The following NAALADL2 variants were observed in gnomAD, a reference collection of about 807,000 sequenced individuals.
NAALADL2 encodes the protein N-acetylated alpha-linked acidic dipeptidase like 2.
In NAALADL2, 76 loss-of-function variants were observed where a neutral mutation model predicts 87.2. The observed-to-expected ratio is 0.87, with a 90% CI of 0.72 to 1.05. The LOEUF (loss-of-function observed/expected upper bound fraction) is 1.05, where lower values mean the gene tolerates loss of function less well. Ranked by LOEUF, NAALADL2 falls within the 50% of genes least tolerant of loss-of-function variation. The pLI is 0.00. For synonymous variants in NAALADL2, 354 were observed against 331.0 expected, an observed-to-expected ratio of 1.07 and a Z score of -0.75; for missense variants, 1,089 against 945.8, an observed-to-expected ratio of 1.15 and a Z score of -1.99.
intron 2 of NAALADL2, among the ~76,000 whole-genome samples, chr3:174,653,641 C>T (rs1323906155): frequency 6.6e-6 from 1 of 151,990 alleles, no homozygotes; most frequent in East Asian, 1.9e-4. Flanking sequence ...AGGATATGAG[C>T]TAATTCTTGA....
intron 2 of NAALADL2, among the ~76,000 whole-genome samples, chr3:174,674,314 C>G (rs139063547): frequency 1.3e-5 from 2 of 152,018 alleles, no homozygotes; most frequent in Non-Finnish European, 2.9e-5. Flanking sequence ...ACCTCCAATA[C>G]TGTAGATTAC....
chr3:175,714,497 T>C (rs1582988006), intron 11 of NAALADL2, among the ~76,000 whole-genome samples: 1 of 152,212 alleles, frequency 6.6e-6, no homozygotes, highest in South Asian at 2.1e-4. Context: ...ATGAGCTTTT[T>C]TTCATTTGTT....
chr3:175,738,951 T>C (rs1345617541), intron 12 of NAALADL2, among the ~76,000 whole-genome samples: 1 of 152,196 alleles, frequency 6.6e-6, no homozygotes, highest in Non-Finnish European at 1.5e-5. Context: ...TTTTATTTAT[T>C]CTGTAAACTG....
chr3:175,611,217 G>C (rs965252051), intron 10 of NAALADL2, among the ~76,000 whole-genome samples: 1 of 151,992 alleles, frequency 6.6e-6, no homozygotes, highest in African/African-American at 2.4e-5. Flanking sequence ...GTGGTACTTT[G>C]ATTAAGGCAC....
chr3:175,514,546 ATCTCGC>A (rs1399360375), intron 9 of NAALADL2, among the ~76,000 whole-genome samples: 1 of 152,154 alleles, frequency 6.6e-6, no homozygotes, highest in Non-Finnish European at 1.5e-5. Context: ...TGGATTTGTG[ATCTCGC>A]TCCTTTACCT....
intron 1 of NAALADL2, among the ~76,000 whole-genome samples, chr3:175,007,417 C>G (rs1178922289): frequency 2.0e-5 from 3 of 152,132 alleles, no homozygotes; most frequent in Admixed American, 6.5e-5. Context: ...GGGCTATCTT[C>G]AGGCATGGGA....
intron 2 of NAALADL2, among the ~76,000 whole-genome samples, chr3:174,654,335 C>T (rs973323458): frequency 1.3e-5 from 2 of 151,900 alleles, no homozygotes; most frequent in African/African-American, 2.4e-5. Context: ...TCTCTTATTT[C>T]CTGATTTTAA....
rs1560475073 is a variant in NAALADL2 at position 175,013,123 on chromosome 3, C to CATAAATATATAATAT, written c.44-83664_44-83663insAATATATAATATATA. 2.0e-4 allele frequency among the ~76,000 whole-genome samples: 9 copies of CATAAATATATAATAT among 44,896 alleles called. 1 individual carries two copies. The highest frequency in any genetic ancestry group is 1.7e-3 in the African/African-American group (9 of 5,210). 29.5% of individuals were successfully genotyped at this position (44,896 alleles called of 152,430 possible). A position where few individuals can be genotyped will look rare whatever the true frequency, so the allele number is the denominator to read the frequency against. On this transcript the variant is annotated intron_variant, in intron 1 of 13. Transcript: ENST00000454872. ...ATATACATATTTATATATAAATATACATATTTATATATAAATATGTAATAC... is the reference window on the plus strand; with the variant it reads ...ATATACATATTTATATATAAATATACATAAATATATAATATATATTTATATATAAATATGTAATAC...
chr3:175,507,491 C>T (rs995523024), intron 9 of NAALADL2, among the ~76,000 whole-genome samples: 2 of 151,374 alleles, frequency 1.3e-5, no homozygotes, highest in East Asian at 2.0e-4. Flanking sequence ...GGTGTGATCT[C>T]GGCTCACTGC....
chr3:175,607,331 A>G (rs537657770), intron 10 of NAALADL2, among the ~76,000 whole-genome samples: 1 of 152,202 alleles, frequency 6.6e-6, no homozygotes. Flanking sequence ...AGTATTTTAC[A>G]TGAATGATAG....
intron 10 of NAALADL2, among the ~76,000 whole-genome samples, chr3:175,618,245 G>A (rs1411313817): frequency 1.3e-5 from 2 of 152,152 alleles, no homozygotes; most frequent in South Asian, 2.1e-4. Flanking sequence ...GAGAAAAGGG[G>A]ACCTGGACTT....
chr3:175,609,788 T>C (rs187151619), intron 10 of NAALADL2, among the ~76,000 whole-genome samples: 2 of 152,276 alleles, frequency 1.3e-5, no homozygotes, highest in Non-Finnish European at 2.9e-5. Context: ...TTCCAACTGC[T>C]AGTCACTAGT....
At chr3:174,796,194 G>A (rs1025520905) in intron 3 of NAALADL2, among the ~76,000 whole-genome samples, 1 of 152,094 alleles carries the variant, frequency 6.6e-6, no homozygotes, top group African/African-American at 2.4e-5. Flanking sequence ...AAAGAGAAAG[G>A]GCTCAGGAAA....
chr3:174,526,354 A>G (rs1428949882), intron 1 of NAALADL2, among the ~76,000 whole-genome samples: 2 of 152,284 alleles, frequency 1.3e-5, no homozygotes, highest in East Asian at 1.9e-4. Context: ...GCTACTTACT[A>G]GCTGTGTGAC....
chr3:175,340,824 A>C (rs1205210624), intron 5 of NAALADL2, among the ~76,000 whole-genome samples: 4 of 152,196 alleles, frequency 2.6e-5, no homozygotes, highest in Non-Finnish European at 5.9e-5. Context: ...ACAAGGAGAC[A>C]AAACAAAGAG....
chr3:175,787,825 G>C (rs181685476), intron 13 of NAALADL2, among the ~76,000 whole-genome samples: 23 of 152,266 alleles, frequency 1.5e-4, no homozygotes, highest in East Asian at 1.2e-3. Flanking sequence ...GTTATTACAA[G>C]AGTCCAAAAG....
At chr3:175,665,564 T>A (rs1216352030) in intron 11 of NAALADL2, among the ~76,000 whole-genome samples, 1 of 152,190 alleles carries the variant, frequency 6.6e-6, no homozygotes, top group African/African-American at 2.4e-5. Context: ...TAGAATAAAG[T>A]CTGTCAGTAT....
intron 2 of NAALADL2, among the ~76,000 whole-genome samples, chr3:175,135,713 T>C (rs1354024757): frequency 1.3e-5 from 2 of 152,144 alleles, no homozygotes; most frequent in African/African-American, 2.4e-5. Flanking sequence ...ATCCTGTGAA[T>C]AGTAACTGGA....
intron 4 of NAALADL2, among the ~76,000 whole-genome samples, chr3:175,307,755 G>A (rs1200849590): frequency 6.6e-6 from 1 of 152,114 alleles, no homozygotes. Context: ...TAGCAACAAA[G>A]TATGTACTTA....
Sources: allele counts gnomAD v4.1 joint callset (sites outside exome capture counted in the v4.1 genomes callset), GRCh38; gene constraint gnomAD v4.1.1; transcripts MANE v1.5; gene names NCBI Gene and HGNC (gene_info 2026-07-23, HGNC 2026-07-21).